HNRNPA1: variants seen among roughly 807,000 people sequenced by gnomAD.
HNRNPA1 encodes the protein heterogeneous nuclear ribonucleoprotein A1.
A neutral mutation model predicts 44.4 loss-of-function variants in HNRNPA1; 7 were observed. That is an observed-to-expected ratio of 0.16 (90% CI 0.09 to 0.30). The LOEUF is 0.30. Ranked by LOEUF, HNRNPA1 falls within the 10% of genes least tolerant of loss-of-function variation. HNRNPA1 has a pLI of 1.00. For missense variants in HNRNPA1, 193 were observed against 465.8 expected (o/e 0.41, Z 5.39); for synonymous variants, 169 against 160.6 (o/e 1.05, Z -0.40).
Position 54,281,781 on chromosome 12 carries a change from A to G in HNRNPA1, c.133-14A>G. On this transcript the variant is annotated splice_polypyrimidine_tract_variant and intron_variant, in intron 2 of 10. Transcript: ENST00000340913. ...GGTCAGACTTTGTGTTACATAAATT[A>G]ACACTGTTCTCAGGTAATGAGAGAT... The G allele has an allele frequency of 1.2e-6, 2 of 1,606,802 alleles. No homozygotes were observed. Among genetic ancestry groups the G allele is most frequent in the South Asian group, 2.2e-5 (2 of 90,270 alleles).
intron 7 of HNRNPA1, 102 bp from the exon 8 acceptor site, chr12:54,282,977 C>A: frequency 1.3e-6 from 2 of 1,488,194 alleles, no homozygotes; most frequent in Admixed American, 2.0e-5. Context: ...CTCAACTTTG[C>A]CCATAACACG....
At chr12:54,284,050 C>G in intron 9 of HNRNPA1, 83 bp downstream of exon 9, 2 of 1,486,518 alleles carry the variant, frequency 1.3e-6, no homozygotes, top group African/African-American at 1.4e-5. Flanking sequence ...ACTGCTATGT[C>G]TGGGCAGCAA....
rs763950849 is a variant in HNRNPA1 at position 54,283,806 on chromosome 12, T to C, written c.908-6T>C. 82 of 1,613,630 alleles carry C rather than the reference T, an allele frequency of 5.1e-5. No individual in the cohort carries two copies. The highest frequency in any genetic ancestry group is 1.6e-4 in the Middle Eastern group (1 of 6,078). On this transcript the variant is annotated splice_polypyrimidine_tract_variant and splice_region_variant and intron_variant, in intron 8 of 10. Transcript: ENST00000340913. Reference sequence around the variant, plus strand: ...AACAGATAAAGGCCCTCTTTCCCATTCATAGGAAGCAATTTTGGAGGTGGT... The same window carrying C: ...AACAGATAAAGGCCCTCTTTCCCATCCATAGGAAGCAATTTTGGAGGTGGT...
rs1944260053 is a variant in HNRNPA1 at position 54,286,164 on chromosome 12, G to A, written c.*1620G>A. ...GCAGGCCACGGCACGCTCCATGAAA[G>A]CTAGGAGGGAGTGAAATATCAGTGA... On this transcript the variant is annotated 3_prime_UTR_variant, in exon 11 of 11. Coordinates refer to ENST00000340913, the MANE Select transcript of HNRNPA1 (RefSeq NM_031157.4). The A allele has an allele frequency of 6.6e-6, 1 of 152,196 alleles. No individual in the cohort carries two copies. Among genetic ancestry groups the A allele is most frequent in the Non-Finnish European group, 1.5e-5 (1 of 68,088 alleles). 9.4% of individuals were successfully genotyped at this position (152,196 alleles called of 1,614,324 possible).
At chr12:54,282,335 C>T in intron 4 of HNRNPA1, 35 bp downstream of exon 4, 13 of 1,611,300 alleles carry the variant, frequency 8.1e-6, no homozygotes, top group Non-Finnish European at 1.1e-5. Context: ...GTAAGGGTTC[C>T]ACAATCTGTA....
At position 54,283,158 on chromosome 12, in the gene HNRNPA1, G is replaced by A; in HGVS notation, c.831G>A (p.Gln277=). 6.2e-7 allele frequency: 1 copy of A among 1,613,708 alleles called. No homozygotes were observed. The highest frequency in any genetic ancestry group is 1.1e-5 in the South Asian group (1 of 91,024). ...YGSGGQGYGN[Q]GSGYGGSGSY... ...GTGGTGGACAGGGTTATGGAAACCA[G>A]GGCAGTGGCTATGGCGGGAGTGGCA... The change falls in exon 8 of 11, where the codon CAG becomes CAA. Residue 277 remains glutamine, a synonymous_variant. Transcript: ENST00000340913.
intron 7 of HNRNPA1, 33 bp from the exon 8 acceptor site, chr12:54,283,033 ATTGTCAAATACTT>A (rs1944202535): frequency 6.3e-7 from 1 of 1,598,856 alleles, no homozygotes; most frequent in African/African-American, 1.3e-5. Flanking sequence ...ACAAGTTTTC[ATTGTCAAATACTT>A]TTGTCTTATT....
chr12:54,282,755 C>CTT (rs1565880707), intron 6 of HNRNPA1, 45 bp from the exon 7 acceptor site: 1 of 1,580,032 alleles, frequency 6.3e-7, no homozygotes, highest in East Asian at 2.3e-5. Flanking sequence ...CAGAATGTCA[C>CTT]TTTAAGTCCA....
intron 8 of HNRNPA1, among the ~76,000 whole-genome samples, chr12:54,283,498 G>T (rs904867745): frequency 5.3e-5 from 8 of 152,158 alleles, no homozygotes; most frequent in Admixed American, 1.3e-4. Context: ...TAGGCGCTTA[G>T]TTGATGTATC....
chr12:54,284,371 C>G (rs1199883000), intron 10 of HNRNPA1, 54 bp downstream of exon 10: 2 of 1,416,166 alleles, frequency 1.4e-6, no homozygotes, highest in Admixed American at 1.7e-5. Flanking sequence ...GCTGATGAAC[C>G]CAATAACCCT....
chr12:54,286,075 G>A lies in HNRNPA1; in HGVS notation c.*1531G>A, dbSNP rs1003572208. 1 of 152,144 alleles carries A rather than the reference G, an allele frequency of 6.6e-6. No homozygotes were observed. Among genetic ancestry groups the A allele is most frequent in the Admixed American group, 6.6e-5 (1 of 15,264 alleles). 9.4% of individuals were successfully genotyped at this position (152,144 alleles called of 1,614,324 possible). On this transcript the variant is annotated 3_prime_UTR_variant, in exon 11 of 11. Transcript: ENST00000340913. Reference sequence around the variant, plus strand: ...TAGCAAGTATAGCGCGAATGGCTCCGAGCTCAGACACTCTACAGCTGAGAG... The same window carrying A: ...TAGCAAGTATAGCGCGAATGGCTCCAAGCTCAGACACTCTACAGCTGAGAG...
chr12:54,283,323 T>A, intron 8 of HNRNPA1, 89 bp downstream of exon 8: 2 of 1,404,720 alleles, frequency 1.4e-6, no homozygotes, highest in Non-Finnish European at 2.0e-6. Flanking sequence ...CATTGTGTGG[T>A]ACACTGCATG....
rs952204406 is a variant in HNRNPA1 at position 54,285,860 on chromosome 12, GAGGAGGAGGGTGGT to G, written c.*1317_*1330del. On this transcript the variant is annotated 3_prime_UTR_variant, in exon 11 of 11. Coordinates refer to ENST00000340913, the MANE Select transcript of HNRNPA1 (RefSeq NM_031157.4). ...CCCATGGGTGTGTTGGAAGTTTGGG[GAGGAGGAGGGTGGT>G]GGGAGGTGGGTGGGAGGTGGTGGTG... 6.7e-6 allele frequency: 1 copy of G among 148,880 alleles called. No homozygotes were observed. Among genetic ancestry groups the G allele is most frequent in the African/African-American group, 2.5e-5 (1 of 40,450 alleles). 9.2% of individuals were successfully genotyped at this position (148,880 alleles called of 1,614,324 possible).
In HNRNPA1 at chr12:54,280,783, TAA is replaced by T. The variant is rs776800696; in HGVS notation, c.-23_-22del. Reference sequence around the variant, plus strand: ...GTGGACGCCGCCGAAGAAGCATCGTTAAAGTCTCTCTTCACCCTGCCGTCATG... The same window carrying T: ...GTGGACGCCGCCGAAGAAGCATCGTTAGTCTCTCTTCACCCTGCCGTCATG... On this transcript the variant is annotated 5_prime_UTR_variant, in exon 1 of 11. Coordinates refer to ENST00000340913, the MANE Select transcript of HNRNPA1 (RefSeq NM_031157.4). 13 of 1,614,190 alleles carry T rather than the reference TAA, an allele frequency of 8.1e-6. No individual in the cohort carries two copies. The highest frequency in any genetic ancestry group is 9.3e-6 in the Non-Finnish European group (11 of 1,179,996).
At chr12:54,284,034 C>T (rs1480302628) in intron 9 of HNRNPA1, 67 bp downstream of exon 9, 26 of 1,540,668 alleles carry the variant, frequency 1.7e-5, no homozygotes, top group Middle Eastern at 1.7e-4. Context: ...GGAAGAAAGC[C>T]CTTTAACTGC....
intron 3 of HNRNPA1, 25 bp downstream of exon 3, chr12:54,281,966 T>C (rs1370981489): frequency 1.8e-5 from 29 of 1,611,570 alleles, no homozygotes; most frequent in Non-Finnish European, 2.2e-5. Flanking sequence ...TTTCTTCTTC[T>C]TCTTAAACTT....
chr12:54,282,120 G>A lies in HNRNPA1; in HGVS notation c.310G>A (p.Val104Met). The A allele has an allele frequency of 6.2e-7, 1 of 1,609,620 alleles. No homozygotes were observed. The highest frequency in any genetic ancestry group is 8.5e-7 in the Non-Finnish European group (1 of 1,177,540). Reference sequence around the variant, plus strand: ...TCAAAGACCAGGTGCCCACTTAACTGTGAAAAAGATATTTGTTGGTGGCAT... The same window carrying A: ...TCAAAGACCAGGTGCCCACTTAACTATGAAAAAGATATTTGTTGGTGGCAT... ...DSQRPGAHLTVKKIFVGGIKE... is the reference protein window; with the variant it reads ...DSQRPGAHLTMKKIFVGGIKE... The change falls in exon 4 of 11, where the codon GTG becomes ATG. Residue 104 changes from valine (V) to methionine (M), a missense_variant. Coordinates refer to ENST00000340913, the MANE Select transcript of HNRNPA1 (RefSeq NM_031157.4).
rs1306815216 is a variant in HNRNPA1, at chr12:54,283,885, C to G, written c.981C>G (p.Pro327=). 1.2e-6 allele frequency: 2 copies of G among 1,612,762 alleles called. No individual in the cohort carries two copies. The highest frequency in any genetic ancestry group is 1.7e-6 in the Non-Finnish European group (2 of 1,180,042). Residue 327 remains proline, a synonymous_variant, in exon 9 of 11, where the codon CCC becomes CCG. Transcript: ENST00000340913. ...ACAATCAGTCTTCAAATTTTGGACC[C>G]ATGAAGGGAGGAAATTTTGGAGGCA... is the stretch of plus-strand genomic sequence containing the variant. The part of the protein sequence containing the change: ...NYNNQSSNFG[P]MKGGNFGGRS...
chr12:54,281,192 G>C lies in HNRNPA1; in HGVS notation c.16-194G>C, dbSNP rs1026730166. 11 of 695,134 alleles carry C rather than the reference G, an allele frequency of 1.6e-5. No homozygotes were observed. The Admixed American group carries it at 2.3e-4, about 15-fold the overall frequency. The allele number at this position is 695,134 out of a possible 1,614,324, so 43.1% of individuals were successfully genotyped here. On this transcript the variant is annotated intron_variant, in intron 1 of 10. Coordinates refer to ENST00000340913, the MANE Select transcript of HNRNPA1 (RefSeq NM_031157.4). Reference sequence around the variant, plus strand: ...CGTGCGTCGGAAGGCGACTAGGGACGCATGCGCTTGCGATTTCCTAGCACT... The same window carrying C: ...CGTGCGTCGGAAGGCGACTAGGGACCCATGCGCTTGCGATTTCCTAGCACT...
Sources: gnomAD v4.1 joint callset for allele counts (sites outside exome capture counted in the v4.1 genomes callset) on GRCh38, gnomAD v4.1.1 for gene constraint, MANE v1.5 for transcripts, NCBI Gene and HGNC (gene_info 2026-07-23, HGNC 2026-07-21) for gene names.